The following ZNF469 variants were observed in gnomAD, a reference collection of about 807,000 sequenced individuals.
ZNF469 encodes the protein zinc finger protein 469.
In ZNF469, 1 loss-of-function variant was observed where a neutral mutation model predicts 1.0. The ratio of observed to expected loss-of-function variants is 1.00; its 90% CI spans 0.35 to 4.73. The LOEUF (loss-of-function observed/expected upper bound fraction) is 4.73. Ranked by LOEUF, ZNF469 falls within the 30% of genes most tolerant of loss-of-function variation. The pLI is 0.16. For missense variants in ZNF469, 6,100 were observed against 5,356.3 expected (o/e 1.14, Z -4.33); for synonymous variants, 2,703 against 2,363.4 (o/e 1.14, Z -4.17).
At position 88,431,831 on chromosome 16, in the gene ZNF469, C is replaced by T. The variant is rs1289552857; in HGVS notation, c.4361C>T (p.Ser1454Phe). The T allele has an allele frequency of 1.3e-6, 2 of 1,549,728 alleles. No individual in the cohort carries two copies. Among genetic ancestry groups the T allele is most frequent in the African/African-American group, 1.4e-5 (1 of 73,050 alleles). The stretch of plus-strand genomic sequence containing the variant: ...TCGCCACCGACCTTGGAGTCCTCAT[C>T]CCTCTTCCCAGACCTGCCGGTGGAC... ...AASPPTLESSSLFPDLPVDRF... is the reference protein window; with the variant it reads ...AASPPTLESSFLFPDLPVDRF... The change falls in exon 3 of 3, where the codon TCC becomes TTC. Residue 1454 changes from serine (S) to phenylalanine (F), a missense_variant. Ser to Phe is a radical substitution (Grantham distance 155). Transcript: ENST00000565624.
At chr16:88,298,048 CCTT>C in the ZNF469 span, among the ~76,000 whole-genome samples, 1 of 152,242 alleles carries the variant, frequency 6.6e-6, no homozygotes, top group Non-Finnish European at 1.5e-5. Flanking sequence ...GAAATCAAGT[CCTT>C]CTTCATCTTT....
intron 1 of ZNF469, among the ~76,000 whole-genome samples, chr16:88,397,940 C>G (rs7193722): frequency 0.26 from 39,161 of 152,148 alleles, 5,652 homozygotes; most frequent in African/African-American, 0.39. Flanking sequence ...GGGCCTGGCT[C>G]TCAGGTCCAG....
At chr16:88,265,509 T>C in the ZNF469 span, among the ~76,000 whole-genome samples, 1 of 152,120 alleles carries the variant, frequency 6.6e-6, no homozygotes, top group Admixed American at 6.5e-5. Flanking sequence ...GCTGCTGTCC[T>C]GGGAGGGGGC....
chr16:88,439,354 G>A lies in ZNF469; in HGVS notation c.*22G>A. On this transcript the variant is annotated 3_prime_UTR_variant, in exon 3 of 3. Transcript: ENST00000565624. ...GTAATTTCTAGGAGCAAGAGCCTGG[G>A]ACCGGAGCTGGGCGTTCCTGTCTCG... The A allele has an allele frequency of 1.3e-6, 2 of 1,549,938 alleles. No homozygotes were observed. Among genetic ancestry groups the A allele is most frequent in the Middle Eastern group, 1.7e-4 (1 of 5,958 alleles).
At chr16:88,296,419 C>A in the ZNF469 span, among the ~76,000 whole-genome samples, 1 of 151,984 alleles carries the variant, frequency 6.6e-6, no homozygotes. Context: ...CACCCATGCT[C>A]ACACACATAC....
chr16:88,172,784 G>A, the ZNF469 span, among the ~76,000 whole-genome samples: 6 of 152,150 alleles, frequency 3.9e-5, no homozygotes, highest in Middle Eastern at 3.2e-3. Flanking sequence ...GGTCACAAGC[G>A]AAACTTTTAG....
chr16:88,425,713 C>G (rs923239667), intron 2 of ZNF469, among the ~76,000 whole-genome samples: 1 of 152,230 alleles, frequency 6.6e-6, no homozygotes, highest in Non-Finnish European at 1.5e-5. Flanking sequence ...CCTGTGAATC[C>G]TGGCCCCAAG....
the ZNF469 span, among the ~76,000 whole-genome samples, chr16:88,218,656 A>G: frequency 2.0e-5 from 3 of 149,944 alleles, no homozygotes; most frequent in African/African-American, 7.3e-5. Context: ...CCCACAGCCA[A>G]TATCATACTG....
chr16:88,226,484 G>A, the ZNF469 span, among the ~76,000 whole-genome samples: 1 of 152,146 alleles, frequency 6.6e-6, no homozygotes, highest in Non-Finnish European at 1.5e-5. Flanking sequence ...CCTCCAGAAG[G>A]AGCCGGCCCT....
At chr16:88,322,789 T>C in the ZNF469 span, among the ~76,000 whole-genome samples, 1 of 152,104 alleles carries the variant, frequency 6.6e-6, no homozygotes, top group African/African-American at 2.4e-5. Flanking sequence ...TTCAGGAGAA[T>C]CCGTGGGATG....
the ZNF469 span, among the ~76,000 whole-genome samples, chr16:88,319,899 A>C: frequency 2.6e-5 from 4 of 152,248 alleles, no homozygotes; most frequent in Non-Finnish European, 4.4e-5. Context: ...GGTTTTCTCC[A>C]GTCTCCAAAG....
the ZNF469 span, among the ~76,000 whole-genome samples, chr16:88,258,298 A>C: frequency 6.6e-6 from 1 of 152,228 alleles, no homozygotes; most frequent in Non-Finnish European, 1.5e-5. Context: ...TGTGTCACAG[A>C]GGAAGGGATT....
chr16:88,298,758 C>G, the ZNF469 span, among the ~76,000 whole-genome samples: 1 of 152,196 alleles, frequency 6.6e-6, no homozygotes, highest in African/African-American at 2.4e-5. Flanking sequence ...CCTCCCGAGA[C>G]AGGAGCAAGC....
the ZNF469 span, among the ~76,000 whole-genome samples, chr16:88,143,132 G>C: frequency 1.3e-5 from 2 of 151,860 alleles, no homozygotes; most frequent in Non-Finnish European, 2.9e-5. Context: ...GAGAAGCCCT[G>C]GGGGGGTGGG....
At chr16:88,391,002 C>T (rs907328370) in intron 1 of ZNF469, among the ~76,000 whole-genome samples, 3 of 152,228 alleles carry the variant, frequency 2.0e-5, no homozygotes, top group African/African-American at 7.2e-5. Flanking sequence ...GTGAATGGCC[C>T]GCGTCATTCT....
the ZNF469 span, among the ~76,000 whole-genome samples, chr16:88,150,919 G>A: frequency 6.6e-6 from 1 of 152,162 alleles, no homozygotes; most frequent in African/African-American, 2.4e-5. Context: ...AGAGGCAGGG[G>A]TTTGAATTCC....
At chr16:88,237,740 G>A in the ZNF469 span, among the ~76,000 whole-genome samples, 158 of 47,536 alleles carry the variant, frequency 3.3e-3, 10 homozygotes, top group South Asian at 0.061. Context: ...CTCCTGCCAC[G>A]CACCCTCCCT....
chr16:88,259,328 C>G, the ZNF469 span, among the ~76,000 whole-genome samples: 3 of 151,796 alleles, frequency 2.0e-5, no homozygotes, highest in Admixed American at 6.6e-5. The surrounding 1 kb of genome is among the most constrained non-coding windows in gnomAD (Gnocchi z 4.1). Flanking sequence ...TTCCCTCAGC[C>G]GCATCCCGCG....
At chr16:88,165,902 A>T in the ZNF469 span, among the ~76,000 whole-genome samples, 4 of 152,344 alleles carry the variant, frequency 2.6e-5, 1 homozygote, top group African/African-American at 9.6e-5. Flanking sequence ...TATTTCAGTC[A>T]GCACAAAGCC....
Sources: allele counts gnomAD v4.1 joint callset (sites outside exome capture counted in the v4.1 genomes callset), GRCh38; gene constraint gnomAD v4.1.1; non-coding constraint Gnocchi (gnomAD v3.1); transcripts MANE v1.5; gene names NCBI Gene and HGNC (gene_info 2026-07-23, HGNC 2026-07-21).